SHROOM3: variants seen among roughly 807,000 people sequenced by gnomAD.
SHROOM3 encodes the protein shroom family member 3, also known as protein Shroom3.
A neutral mutation model predicts 138.6 loss-of-function variants in SHROOM3; 47 were observed. The ratio of observed to expected loss-of-function variants is 0.34; its 90% confidence interval spans 0.27 to 0.43. The LOEUF (loss-of-function observed/expected upper bound fraction) is 0.43. SHROOM3 is among the 20% of genes least tolerant of loss of function. SHROOM3 has a pLI of 1.00. For synonymous variants in SHROOM3, 1,062 were observed against 1,063.3 expected, an observed-to-expected ratio of 1.00 and a Z score of 0.02; for missense variants, 2,491 against 2,596.5, an observed-to-expected ratio of 0.96 and a Z score of 0.88.
At chr4:76,685,262 G>C (rs188344508) in intron 2 of SHROOM3, among the ~76,000 whole-genome samples, 6 of 152,188 alleles carry the variant, frequency 3.9e-5, no homozygotes, top group African/African-American at 4.8e-5. Context: ...GAACAGTATA[G>C]AGCAGGGGTG....
intron 1 of SHROOM3, among the ~76,000 whole-genome samples, chr4:76,510,781 G>A (rs2110004861): frequency 6.6e-6 from 1 of 152,248 alleles, no homozygotes; most frequent in Middle Eastern, 3.4e-3. Flanking sequence ...TGTGGCACAG[G>A]GGAAAGAACA....
At chr4:76,657,020 A>G (rs1736077533) in intron 2 of SHROOM3, among the ~76,000 whole-genome samples, 1 of 152,054 alleles carries the variant, frequency 6.6e-6, no homozygotes, top group African/African-American at 2.4e-5. Flanking sequence ...TACTAAAAAT[A>G]CAAAAAATTA....
chr4:76,755,017 G>T lies in SHROOM3; in HGVS notation c.4534G>T (p.Asp1512Tyr), dbSNP rs1165109452. The part of the protein sequence containing the change: ...EDYEDEVFVR[D>Y]PHPKATSSPT... ...TTATGAAGACGAAGTGTTTGTGAGG[G>T]ATCCGCACCCCAAGGCCACGTCCAG... Residue 1512 changes from aspartate (D) to tyrosine (Y), a missense_variant, in exon 7 of 11, where the codon GAT becomes TAT. This residue lies in a region of SHROOM3 where 1,733 missense variants were observed against 1,661.6 expected (regional missense o/e 1.04). Coordinates refer to ENST00000296043, the MANE Select transcript of SHROOM3 (RefSeq NM_020859.4). 6.2e-7 allele frequency: 1 copy of T among 1,609,258 alleles called. No individual in the cohort carries two copies. The highest frequency in any genetic ancestry group is 1.7e-5 in the Admixed American group (1 of 59,874).
At chr4:76,566,835 TCTC>T (rs1236556769) in intron 2 of SHROOM3, among the ~76,000 whole-genome samples, 1 of 152,248 alleles carries the variant, frequency 6.6e-6, no homozygotes, top group African/African-American at 2.4e-5. Context: ...TTACCACCTG[TCTC>T]CTCATGGTTC....
At chr4:76,546,288 T>C (rs1294296597) in intron 1 of SHROOM3, among the ~76,000 whole-genome samples, 1 of 152,224 alleles carries the variant, frequency 6.6e-6, no homozygotes, top group Non-Finnish European at 1.5e-5. Flanking sequence ...ATACCCCATT[T>C]ACGACCCCAA....
chr4:76,639,739 G>A (rs1480941471), intron 2 of SHROOM3: 4 of 396,518 alleles, frequency 1.0e-5, no homozygotes, highest in Non-Finnish European at 1.8e-5. Flanking sequence ...CACCACTACA[G>A]CGTTACTCTT....
intron 2 of SHROOM3, among the ~76,000 whole-genome samples, chr4:76,581,674 A>G (rs1472733238): frequency 1.3e-5 from 2 of 152,234 alleles, no homozygotes; most frequent in Non-Finnish European, 2.9e-5. Context: ...TCTTTCAGAC[A>G]TACTTGGAGT....
At chr4:76,732,035 C>G (rs764971389) in intron 4 of SHROOM3, among the ~76,000 whole-genome samples, 13 of 152,136 alleles carry the variant, frequency 8.5e-5, no homozygotes, top group Admixed American at 5.9e-4. Context: ...GGAGCACAGC[C>G]TGACCACCAT....
chr4:76,541,119 TC>T (rs1443511499), intron 1 of SHROOM3, among the ~76,000 whole-genome samples: 2 of 152,208 alleles, frequency 1.3e-5, no homozygotes, highest in Non-Finnish European at 2.9e-5. Context: ...TACATATACA[TC>T]CCCTATATGT....
At chr4:76,584,676 G>A (rs148121741) in intron 2 of SHROOM3, among the ~76,000 whole-genome samples, 7 of 152,296 alleles carry the variant, frequency 4.6e-5, no homozygotes, top group African/African-American at 9.6e-5. Context: ...TGCAGCAGGA[G>A]GTTGTTAAAT....
At chr4:76,774,966 T>C (rs2109796692) in intron 10 of SHROOM3, among the ~76,000 whole-genome samples, 1 of 152,264 alleles carries the variant, frequency 6.6e-6, no homozygotes, top group African/African-American at 2.4e-5. Flanking sequence ...CACTTTTTTT[T>C]TATTTCAATA....
At chr4:76,738,492 A>T (rs1043352119) in intron 4 of SHROOM3, among the ~76,000 whole-genome samples, 4 of 152,208 alleles carry the variant, frequency 2.6e-5, no homozygotes, top group African/African-American at 9.6e-5. Context: ...GCCTGTGCCC[A>T]AAGGCCACGT....
chr4:76,718,879 A>C (rs1042633983), intron 3 of SHROOM3, among the ~76,000 whole-genome samples: 6 of 152,136 alleles, frequency 3.9e-5, no homozygotes, highest in African/African-American at 1.4e-4. Context: ...AAATTAGCTT[A>C]ATTTTGAAAT....
chr4:76,511,245 A>G (rs1288571432), intron 1 of SHROOM3, among the ~76,000 whole-genome samples: 1 of 152,170 alleles, frequency 6.6e-6, no homozygotes, highest in African/African-American at 2.4e-5. Flanking sequence ...TTTGTCTCCT[A>G]AACACAAGGT....
intron 2 of SHROOM3, among the ~76,000 whole-genome samples, chr4:76,699,374 C>A (rs903095934): frequency 1.3e-5 from 2 of 152,206 alleles, no homozygotes; most frequent in African/African-American, 4.8e-5. Flanking sequence ...CCTCCCCCTG[C>A]TTTTTACCTT....
chr4:76,629,704 G>C (rs1195542427), intron 2 of SHROOM3, among the ~76,000 whole-genome samples: 1 of 152,162 alleles, frequency 6.6e-6, no homozygotes, highest in African/African-American at 2.4e-5. Flanking sequence ...GCTCAATGTG[G>C]GGTGAGAGAA....
chr4:76,517,493 T>C (rs929925441), intron 1 of SHROOM3, among the ~76,000 whole-genome samples: 3 of 152,176 alleles, frequency 2.0e-5, no homozygotes, highest in African/African-American at 7.2e-5. Flanking sequence ...GAATTCTTGC[T>C]TGGTTAACTT....
intron 1 of SHROOM3, among the ~76,000 whole-genome samples, chr4:76,519,994 A>T (rs1333423065): frequency 1.3e-5 from 2 of 152,204 alleles, no homozygotes; most frequent in African/African-American, 2.4e-5. Context: ...TTATAGACAC[A>T]CAAGACTAGC....
chr4:76,711,308 G>A (rs1720221956), intron 3 of SHROOM3, among the ~76,000 whole-genome samples: 1 of 152,224 alleles, frequency 6.6e-6, no homozygotes, highest in African/African-American at 2.4e-5. Context: ...TGAAAGGACT[G>A]AAAGAGCCGA....
Sources: gnomAD v4.1 joint callset for allele counts (sites outside exome capture counted in the v4.1 genomes callset) on GRCh38, gnomAD v4.1.1 for gene constraint, gnomAD v4.1.1 regional missense constraint, MANE v1.5 for transcripts, NCBI Gene and HGNC (gene_info 2026-07-23, HGNC 2026-07-21) for gene names.